KLHL36: variants seen among roughly 807,000 people sequenced by gnomAD.
The protein encoded by KLHL36 is kelch-like protein 36.
Under a neutral mutation model 53.3 loss-of-function variants are expected in KLHL36, and 35 were observed. The ratio of observed to expected loss-of-function variants is 0.66; its 90% CI spans 0.50 to 0.87. The LOEUF is 0.87. Among genes scored for constraint, KLHL36 ranks in the 40% least tolerant of loss-of-function variants. The pLI, the probability that KLHL36 is intolerant of heterozygous loss-of-function variation, is 0.00. For synonymous variants in KLHL36, 472 were observed against 398.9 expected (o/e 1.18, Z -2.18); for missense variants, 864 against 897.6 (o/e 0.96, Z 0.48).
chr16:84,649,817 G>A (rs1906728580), intron 1 of KLHL36, among the ~76,000 whole-genome samples: 1 of 152,162 alleles, frequency 6.6e-6, no homozygotes, highest in Non-Finnish European at 1.5e-5. Context: ...TTGTTCAATA[G>A]GTAACAAACT....
intron 2 of KLHL36, among the ~76,000 whole-genome samples, chr16:84,656,229 G>T (rs1476067240): frequency 1.3e-5 from 2 of 149,282 alleles, no homozygotes; most frequent in East Asian, 2.0e-4. Context: ...GGGTTTTTTT[G>T]GTTTGTTTTT....
chr16:84,662,418 T>C lies in KLHL36; in HGVS notation c.*285T>C. 3.6e-6 allele frequency: 1 copy of C among 280,246 alleles called. No homozygotes were observed. The highest frequency in any genetic ancestry group is 6.8e-6 in the Non-Finnish European group (1 of 147,816). The allele number at this position is 280,246 out of a possible 1,614,324, so 17.4% of individuals were successfully genotyped here. On this transcript the variant is annotated 3_prime_UTR_variant, in exon 5 of 5. Transcript: ENST00000564996. ...ATTCCTCATGGGTCCTTGCTGACTG[T>C]CCCCCTGAGAGTAGCTGGCACGTGG...
At chr16:84,658,078 C>A in intron 3 of KLHL36, 134 bp downstream of exon 3, 1 of 710,466 alleles carries the variant, frequency 1.4e-6, no homozygotes. Context: ...GATAAAGTGA[C>A]GAGCAGAATA....
rs749852695 is a variant in KLHL36 at position 84,657,449 on chromosome 16, C to T, written c.642C>T (p.Ala214=). 31 of 1,606,508 alleles carry T rather than the reference C, an allele frequency of 1.9e-5. No individual in the cohort carries two copies. Among genetic ancestry groups the T allele is most frequent in the Admixed American group, 5.0e-5 (3 of 60,012 alleles). Residue 214 remains alanine (A), a synonymous_variant, in exon 3 of 5, where the codon GCC becomes GCT. Coordinates refer to ENST00000564996, the MANE Select transcript of KLHL36 (RefSeq NM_024731.4). Reference sequence around the variant, plus strand: ...GTGAGCACGACCTCCTGCAGGCCGCCCTGCAGTGGCTGACGCAGCAGCCCG... The same window carrying T: ...GTGAGCACGACCTCCTGCAGGCCGCTCTGCAGTGGCTGACGCAGCAGCCCG... ...RECEHDLLQA[A]LQWLTQQPER...
chr16:84,656,824 G>T, intron 2 of KLHL36, 47 bp from the exon 3 acceptor site: 2 of 1,468,564 alleles, frequency 1.4e-6, no homozygotes, highest in African/African-American at 1.4e-5. Context: ...GTTGGACCAG[G>T]GCCGAGCAGG....
chr16:84,662,286 C>A lies in KLHL36; in HGVS notation c.*153C>A. 1.4e-6 allele frequency: 1 copy of A among 692,332 alleles called. No individual in the cohort carries two copies. Among genetic ancestry groups the A allele is most frequent in the Non-Finnish European group, 2.3e-6 (1 of 428,492 alleles). 42.9% of individuals were successfully genotyped at this position (692,332 alleles called of 1,614,324 possible). A position where few individuals can be genotyped will look rare whatever the true frequency, so the allele number is the denominator to read the frequency against. On this transcript the variant is annotated 3_prime_UTR_variant, in exon 5 of 5. Transcript: ENST00000564996. ...GGTATTTCTATGATATCACAGTAAC[C>A]AATTAAATACTATCTGTAACTTTAC...
intron 2 of KLHL36, among the ~76,000 whole-genome samples, chr16:84,652,565 G>A (rs547199349): frequency 3.9e-4 from 59 of 152,194 alleles, no homozygotes; most frequent in African/African-American, 1.3e-3. Context: ...CACCATGACT[G>A]GCCTGTTTCT....
Position 84,657,841 on chromosome 16 carries a change from G to C in KLHL36, c.1034G>C (p.Gly345Ala), listed in dbSNP as rs1209182886. The C allele has an allele frequency of 6.3e-7, 1 of 1,597,114 alleles. No homozygotes were observed. Among genetic ancestry groups the C allele is most frequent in the Non-Finnish European group, 8.5e-7 (1 of 1,169,632 alleles). Residue 345 changes from glycine (G) to alanine (A), a missense_variant, in exon 3 of 5, where the codon GGC (glycine) becomes GCC (alanine). By Grantham distance (60) the Gly-to-Ala change is moderately conservative. Transcript: ENST00000564996. ...CACCACTGTGTCGCGGTGCTGGGGG[G>C]CTTCATCTTCATCGCCGGCGGCAGC... ...RSHHCVAVLG[G>A]FIFIAGGSFS... is the part of the protein sequence containing the mutation.
At chr16:84,658,179 G>A in intron 3 of KLHL36, 3 of 394,698 alleles carry the variant, frequency 7.6e-6, no homozygotes, top group Non-Finnish European at 1.3e-5. Flanking sequence ...TGCCTGGCGG[G>A]GCTTTCTGTG....
chr16:84,654,997 G>C (rs900142077), intron 2 of KLHL36, among the ~76,000 whole-genome samples: 2 of 152,156 alleles, frequency 1.3e-5, no homozygotes, highest in Admixed American at 1.3e-4. Context: ...TTCTAAAAAT[G>C]AGAAAAAATT....
rs1188167703 is a variant in KLHL36 at position 84,657,571 on chromosome 16, C to T, written c.764C>T (p.Ser255Leu). 3.7e-6 allele frequency: 6 copies of T among 1,610,794 alleles called. No individual in the cohort carries two copies. The highest frequency in any genetic ancestry group is 1.7e-5 in the Admixed American group (1 of 59,992). ...LLHRVKPAVCSLLPKEANCEG... is the reference protein window; with the variant it reads ...LLHRVKPAVCLLLPKEANCEG... ...CACCGCGTCAAGCCGGCCGTGTGCT[C>T]GCTGCTGCCCAAGGAGGCCAACTGC... Residue 255 changes from serine to leucine, a missense_variant, in exon 3 of 5, where the codon TCG becomes TTG. By Grantham distance (145) the Ser-to-Leu change is moderately radical. Coordinates refer to ENST00000564996, the MANE Select transcript of KLHL36 (RefSeq NM_024731.4).
At chr16:84,659,725 G>A (rs752269514) in intron 3 of KLHL36, 35 bp from the exon 4 acceptor site, 40 of 1,604,016 alleles carry the variant, frequency 2.5e-5, no homozygotes, top group Admixed American at 5.0e-5. Flanking sequence ...TCCCGGGTTC[G>A]GGGAAGGGAA....
chr16:84,654,141 T>C (rs943217801), intron 2 of KLHL36, among the ~76,000 whole-genome samples: 3 of 152,180 alleles, frequency 2.0e-5, no homozygotes, highest in African/African-American at 7.2e-5. Flanking sequence ...CGTCTAAGCA[T>C]GGTAGGGCCA....
At position 84,662,419 on chromosome 16, in the gene KLHL36, C is replaced by A. The variant is rs1053618149; in HGVS notation, c.*286C>A. 1 of 284,356 alleles carries A rather than the reference C, an allele frequency of 3.5e-6. No individual in the cohort carries two copies. The allele number at this position is 284,356 out of a possible 1,614,324, so 17.6% of individuals were successfully genotyped here. A position where few individuals can be genotyped will look rare whatever the true frequency, so the allele number is the denominator to read the frequency against. ...TTCCTCATGGGTCCTTGCTGACTGTCCCCCTGAGAGTAGCTGGCACGTGGG... is the reference window on the plus strand; with the variant it reads ...TTCCTCATGGGTCCTTGCTGACTGTACCCCTGAGAGTAGCTGGCACGTGGG... On this transcript the variant is annotated 3_prime_UTR_variant, in exon 5 of 5. Coordinates refer to ENST00000564996, the MANE Select transcript of KLHL36 (RefSeq NM_024731.4).
rs1404148488 is a variant in KLHL36 at position 84,657,439 on chromosome 16, T to C, written c.632T>C (p.Leu211Pro). The C allele has an allele frequency of 6.2e-7, 1 of 1,606,146 alleles. No homozygotes were observed. Among genetic ancestry groups the C allele is most frequent in the South Asian group, 1.1e-5 (1 of 91,084 alleles). Residue 211 changes from leucine (L) to proline (P), a missense_variant, in exon 3 of 5, where the codon CTG (leucine) becomes CCG (proline). Coordinates refer to ENST00000564996, the MANE Select transcript of KLHL36 (RefSeq NM_024731.4). ...EVQRECEHDL[L>P]QAALQWLTQQ... ...CAGCGGGAGTGTGAGCACGACCTCC[T>C]GCAGGCCGCCCTGCAGTGGCTGACG... is the stretch of plus-strand genomic sequence containing the variant.
intron 1 of KLHL36, among the ~76,000 whole-genome samples, chr16:84,649,741 G>C (rs571472374): frequency 6.6e-6 from 1 of 152,214 alleles, no homozygotes; most frequent in Non-Finnish European, 1.5e-5. Context: ...TGCCCTCCCT[G>C]TGTCCCCAGT....
At chr16:84,658,238 A>T (rs1390055824) in intron 3 of KLHL36, 1 of 294,002 alleles carries the variant, frequency 3.4e-6, no homozygotes, top group East Asian at 5.8e-5. Context: ...CCACAGCCGC[A>T]TGTGGCGACT....
At position 84,657,457 on chromosome 16, in the gene KLHL36, G is replaced by A. The variant is rs753177865; in HGVS notation, c.650G>A (p.Trp217Ter). The A allele has an allele frequency of 2.5e-6, 4 of 1,606,566 alleles. No homozygotes were observed. Among genetic ancestry groups the A allele is most frequent in the Admixed American group, 1.7e-5 (1 of 59,986 alleles). ...EHDLLQAALQWLTQQPEREAH... is the reference protein window; with the variant it reads ...EHDLLQAALQ ...GACCTCCTGCAGGCCGCCCTGCAGT[G>A]GCTGACGCAGCAGCCCGAGCGCGAG... Residue 217 changes from tryptophan (W) to a stop codon, truncating the protein, a stop_gained, in exon 3 of 5, where the codon TGG becomes TAG. Transcript: ENST00000564996. LOFTEE classifies it high-confidence loss of function.
In KLHL36 at chr16:84,661,702, G is replaced by A; in HGVS notation, c.1420G>A (p.Glu474Lys). The change falls in exon 5 of 5, where the codon GAG becomes AAG. Residue 474 changes from glutamate to lysine, a missense_variant. By Grantham distance (56) the Glu-to-Lys change is moderately conservative (BLOSUM62 1). Transcript: ENST00000564996. This position sits in a 1 kb window ranked among gnomAD's most constrained non-coding sequence, Gnocchi z 7.9. ...CTACGACCACCGGACAGACGTGTGG[G>A]AGGAGCGGCGGCCCATGACCACGGC... ...LCYDHRTDVW[E>K]ERRPMTTARG... The A allele has an allele frequency of 6.2e-7, 1 of 1,613,702 alleles. No individual in the cohort carries two copies.
Sources: gnomAD v4.1 joint callset for allele counts (sites outside exome capture counted in the v4.1 genomes callset) on GRCh38, gnomAD v4.1.1 for gene constraint, Gnocchi (gnomAD v3.1) non-coding constraint, MANE v1.5 for transcripts, NCBI Gene and HGNC (gene_info 2026-07-23, HGNC 2026-07-21) for gene names.